Variants in PTPRD observed in about 807,000 individuals in gnomAD.
The protein encoded by PTPRD is receptor-type tyrosine-protein phosphatase delta.
A neutral mutation model predicts 214.5 loss-of-function variants in PTPRD; 34 were observed. The ratio of observed to expected loss-of-function variants is 0.16; its 90% confidence interval spans 0.12 to 0.21. The LOEUF (loss-of-function observed/expected upper bound fraction) is 0.21. Among genes scored for constraint, PTPRD ranks in the 10% least tolerant of loss-of-function variants. PTPRD has a pLI of 1.00. For missense variants in PTPRD, 2,545 were observed against 2,398.7 expected (o/e 1.06, Z -1.27); for synonymous variants, 1,128 against 845.7 (o/e 1.33, Z -5.79).
chr9:10,239,206 T>C (rs1012116255), intron 3 of PTPRD, among the ~76,000 whole-genome samples: 2 of 151,982 alleles, frequency 1.3e-5, no homozygotes, highest in East Asian at 1.9e-4. Context: ...AATAGTTGTT[T>C]TCCATCAGGC....
chr9:9,647,990 T>G (rs948103702), intron 7 of PTPRD, among the ~76,000 whole-genome samples: 1 of 152,152 alleles, frequency 6.6e-6, no homozygotes. Context: ...CAATAATTTT[T>G]TAAAAACTAT....
At chr9:8,783,104 C>G (rs891004128) in intron 11 of PTPRD, among the ~76,000 whole-genome samples, 12 of 152,102 alleles carry the variant, frequency 7.9e-5, no homozygotes, top group African/African-American at 2.7e-4. Flanking sequence ...TACAGCATAT[C>G]AACATGACCA....
intron 4 of PTPRD, among the ~76,000 whole-genome samples, chr9:9,992,374 T>C (rs1454875110): frequency 1.3e-5 from 2 of 152,198 alleles, no homozygotes; most frequent in African/African-American, 4.8e-5. Flanking sequence ...AGTTCAACCA[T>C]TGTGGAAGCC....
At chr9:9,782,225 G>T (rs1284475879) in intron 5 of PTPRD, among the ~76,000 whole-genome samples, 1 of 152,070 alleles carries the variant, frequency 6.6e-6, no homozygotes, top group South Asian at 2.1e-4. Flanking sequence ...CATGAACATG[G>T]TCAGTATCTC....
At chr9:9,526,503 A>C (rs1369236284) in intron 8 of PTPRD, among the ~76,000 whole-genome samples, 2 of 152,214 alleles carry the variant, frequency 1.3e-5, no homozygotes, top group African/African-American at 4.8e-5. Context: ...TAAGATATTT[A>C]AAAATACAGA....
At chr9:9,900,562 T>G (rs187412359) in intron 5 of PTPRD, among the ~76,000 whole-genome samples, 2 of 152,140 alleles carry the variant, frequency 1.3e-5, no homozygotes, top group Admixed American at 1.3e-4. Context: ...TCTTTCGTCA[T>G]CCTGTCTTCT....
rs551293204 is a variant in PTPRD at position 10,527,816 on chromosome 9, A to G, written c.-600+84582T>C. On this transcript the variant is annotated intron_variant, in intron 2 of 45. Transcript: ENST00000381196. ...TCTTTAGCAATAATTACTTATGCAT[A>G]TAATTCATTCTGCCTAGTTCAAGAT... Among the ~76,000 whole-genome samples, 59 of 152,282 alleles carry G rather than the reference A, an allele frequency of 3.9e-4. 1 individual carries two copies. In the South Asian group the frequency reaches 0.012, roughly 32 times the overall value.
chr9:10,344,807 G>A (rs1019209837), intron 2 of PTPRD, among the ~76,000 whole-genome samples: 5 of 151,962 alleles, frequency 3.3e-5, no homozygotes, highest in Non-Finnish European at 5.9e-5. Context: ...GGGAGTTCAC[G>A]CATGATTTGG....
At chr9:9,742,996 C>T (rs1314268325) in intron 6 of PTPRD, among the ~76,000 whole-genome samples, 3 of 152,110 alleles carry the variant, frequency 2.0e-5, no homozygotes, top group Non-Finnish European at 4.4e-5. Context: ...ACTTCTATGT[C>T]ATACCAATTA....
intron 5 of PTPRD, among the ~76,000 whole-genome samples, chr9:9,914,959 C>T (rs1471710176): frequency 6.6e-6 from 1 of 152,160 alleles, no homozygotes; most frequent in Non-Finnish European, 1.5e-5. Flanking sequence ...CCCTGTAGCC[C>T]CAAACCCAGT....
chr9:8,813,514 G>A (rs373784141), intron 11 of PTPRD, among the ~76,000 whole-genome samples: 52 of 152,240 alleles, frequency 3.4e-4, no homozygotes, highest in African/African-American at 1.2e-3. Flanking sequence ...GTGACTACAA[G>A]GCACGTGCCA....
At chr9:9,259,311 G>T (rs111361293) in intron 9 of PTPRD, among the ~76,000 whole-genome samples, 3 of 151,922 alleles carry the variant, frequency 2.0e-5, no homozygotes, top group African/African-American at 7.2e-5. Flanking sequence ...AGCAGAAAAA[G>T]ATATCTGCTA....
At chr9:9,572,724 A>G (rs1381912273) in intron 8 of PTPRD, among the ~76,000 whole-genome samples, 1 of 150,878 alleles carries the variant, frequency 6.6e-6, no homozygotes, top group Non-Finnish European at 1.5e-5. Context: ...AGGACAAATA[A>G]TCTAGTAAGA....
chr9:8,511,398 T>C (rs2097678671), intron 21 of PTPRD, among the ~76,000 whole-genome samples: 4 of 152,120 alleles, frequency 2.6e-5, no homozygotes, highest in Admixed American at 2.6e-4. Context: ...TTTATGCTCT[T>C]GTAATCACTA....
At chr9:8,469,145 A>T (rs1178557476) in intron 31 of PTPRD, among the ~76,000 whole-genome samples, 1 of 152,050 alleles carries the variant, frequency 6.6e-6, no homozygotes, top group Non-Finnish European at 1.5e-5. Context: ...GATGATTAAA[A>T]TGACCCTTTG....
rs559124639 is a variant in PTPRD, at chr9:10,176,980, T to C, written c.-544-143190A>G. Reference sequence around the variant, plus strand: ...GCTCTCTTATACAGTGTTGTTGATGTTTGTTTCATTTTTTTGCTCATCCAT... The same window carrying C: ...GCTCTCTTATACAGTGTTGTTGATGCTTGTTTCATTTTTTTGCTCATCCAT... On this transcript the variant is annotated intron_variant, in intron 3 of 45. Coordinates refer to ENST00000381196, the MANE Select transcript of PTPRD (RefSeq NM_002839.4). 6.6e-5 allele frequency among the ~76,000 whole-genome samples: 10 copies of C among 152,056 alleles called. No homozygotes were observed. The South Asian group carries it at 2.1e-3, about 31-fold the overall frequency.
chr9:10,420,980 A>G (rs1169206140), intron 2 of PTPRD, among the ~76,000 whole-genome samples: 2 of 151,868 alleles, frequency 1.3e-5, no homozygotes, highest in Non-Finnish European at 2.9e-5. Context: ...CAGGGATTCC[A>G]ATCATTTGGC....
chr9:9,235,633 A>C (rs1421619046), intron 9 of PTPRD, among the ~76,000 whole-genome samples: 1 of 152,008 alleles, frequency 6.6e-6, no homozygotes, highest in Non-Finnish European at 1.5e-5. Flanking sequence ...GAGACACCTG[A>C]CTCACTTTGG....
intron 7 of PTPRD, among the ~76,000 whole-genome samples, chr9:9,602,583 A>G (rs575330312): frequency 6.6e-6 from 1 of 152,228 alleles, no homozygotes; most frequent in South Asian, 2.1e-4. Context: ...GAGTACCCTC[A>G]TCGCTCATTA....
Sources: allele counts gnomAD v4.1 joint callset (sites outside exome capture counted in the v4.1 genomes callset), GRCh38; gene constraint gnomAD v4.1.1; transcripts MANE v1.5; gene names NCBI Gene and HGNC (gene_info 2026-07-23, HGNC 2026-07-21).